Variants in ALG14 observed in about 807,000 individuals in gnomAD.
ALG14 encodes the protein ALG14 UDP-N-acetylglucosaminyltransferase subunit.
Under a neutral mutation model 22.8 loss-of-function variants are expected in ALG14, and 17 were observed. That is an observed-to-expected ratio of 0.75 (90% confidence interval 0.51 to 1.12). The LOEUF is 1.12. Ranked by LOEUF, ALG14 falls within the 50% of genes most tolerant of loss-of-function variation. ALG14 has a pLI of 0.00. For missense variants in ALG14, 288 were observed against 271.8 expected (o/e 1.06, Z -0.42); for synonymous variants, 89 against 103.7 (o/e 0.86, Z 0.86).
intron 2 of ALG14, among the ~76,000 whole-genome samples, chr1:95,063,298 T>C (rs1018210874): frequency 8.5e-5 from 13 of 152,218 alleles, no homozygotes; most frequent in African/African-American, 2.7e-4. Context: ...TTAGTTTAAT[T>C]AGATCACATT....
intron 2 of ALG14, among the ~76,000 whole-genome samples, chr1:95,028,358 A>T (rs1557961385): frequency 6.6e-6 from 1 of 152,174 alleles, no homozygotes; most frequent in Non-Finnish European, 1.5e-5. Context: ...GGTGTGGGCC[A>T]CCATGTCCAC....
chr1:94,974,619 T>C lies in ALG14; in HGVS notation c.*8457A>G, dbSNP rs914396738. 2 of 152,188 alleles carry C rather than the reference T, an allele frequency of 1.3e-5. No homozygotes were observed. Among genetic ancestry groups the C allele is most frequent in the African/African-American group, 4.8e-5 (2 of 41,430 alleles). 9.4% of individuals were successfully genotyped at this position (152,188 alleles called of 1,614,324 possible). On this transcript the variant is annotated 3_prime_UTR_variant, in exon 4 of 4. Coordinates refer to ENST00000370205, the MANE Select transcript of ALG14 (RefSeq NM_144988.4). ...TTCCTATCCATGGTGTAGAAATACA[T>C]CTTCTGCCTTTTGCCTGGCAGGCAA...
At chr1:95,017,712 T>C (rs1673543590) in intron 3 of ALG14, among the ~76,000 whole-genome samples, 1 of 152,106 alleles carries the variant, frequency 6.6e-6, no homozygotes, top group Non-Finnish European at 1.5e-5. Context: ...CCTTGGGATG[T>C]GTATGGGTGA....
intron 2 of ALG14, among the ~76,000 whole-genome samples, chr1:95,037,986 C>A (rs2100790855): frequency 6.6e-6 from 1 of 152,288 alleles, no homozygotes; most frequent in South Asian, 2.1e-4. Flanking sequence ...GTGATAATTG[C>A]AGTCAAAGGG....
chr1:95,029,682 G>A (rs1288498851), intron 2 of ALG14, among the ~76,000 whole-genome samples: 1 of 152,182 alleles, frequency 6.6e-6, no homozygotes, highest in Non-Finnish European at 1.5e-5. Flanking sequence ...AAAAAGGTGT[G>A]AAATTGTGTT....
chr1:94,978,070 T>G lies in ALG14; in HGVS notation c.*5006A>C, dbSNP rs533826478. 1.8e-4 allele frequency: 26 copies of G among 146,982 alleles called. No individual in the cohort carries two copies. Among genetic ancestry groups the G allele is most frequent in the African/African-American group, 4.9e-4 (20 of 40,452 alleles). 9.1% of individuals were successfully genotyped at this position (146,982 alleles called of 1,614,324 possible). A position where few individuals can be genotyped will look rare whatever the true frequency, so the allele number is the denominator to read the frequency against. On this transcript the variant is annotated 3_prime_UTR_variant, in exon 4 of 4. Coordinates refer to ENST00000370205, the MANE Select transcript of ALG14 (RefSeq NM_144988.4). ...AAGTCTGAAGCTATAATTTTTTTCT[T>G]TTTTTTTTTTTGAGGTGGAGTCTCG...
rs1440109081 is a variant in ALG14, at chr1:95,056,744, A to T, written c.288+8122T>A. Among the ~76,000 whole-genome samples the T allele has an allele frequency of 3.0e-3, 459 of 152,150 alleles. 19 individuals carry two copies. The East Asian group carries it at 0.085, about 28-fold the overall frequency. On this transcript the variant is annotated intron_variant, in intron 2 of 3. Transcript: ENST00000370205. Reference sequence around the variant, plus strand: ...GGAAAATATAAATTTGGATTCCTAAAGGAAAATATAAACATTAAAATCTAA... The same window carrying T: ...GGAAAATATAAATTTGGATTCCTAATGGAAAATATAAACATTAAAATCTAA...
intron 1 of ALG14, among the ~76,000 whole-genome samples, chr1:95,066,231 C>T (rs1675357527): frequency 6.6e-6 from 1 of 152,092 alleles, no homozygotes; most frequent in Non-Finnish European, 1.5e-5. Context: ...TCCACCCCCT[C>T]ACCTCCCCCC....
intron 3 of ALG14, among the ~76,000 whole-genome samples, chr1:95,024,001 C>T (rs1459574682): frequency 6.6e-6 from 1 of 152,294 alleles, no homozygotes; most frequent in Middle Eastern, 3.4e-3. Flanking sequence ...AGATCTTTTT[C>T]CCCCAACATA....
intron 1 of ALG14, 26 bp downstream of exon 1, chr1:95,072,737 C>A (rs2100856313): frequency 1.2e-6 from 2 of 1,603,934 alleles, no homozygotes; most frequent in Non-Finnish European, 1.7e-6. Flanking sequence ...CAACCCAAGT[C>A]CGACAGTCGC....
rs913262502 is a variant in ALG14, at chr1:95,031,400, C to A, written c.289-4140G>T. Among the ~76,000 whole-genome samples the A allele has an allele frequency of 4.2e-4, 64 of 152,302 alleles. 1 individual carries two copies. Among genetic ancestry groups the A allele is most frequent in the East Asian group, 3.9e-4 (2 of 5,182 alleles). On this transcript the variant is annotated intron_variant, in intron 2 of 3. Coordinates refer to ENST00000370205, the MANE Select transcript of ALG14 (RefSeq NM_144988.4). The stretch of plus-strand genomic sequence containing the variant: ...GCCCTAACCGTGACATTAACAATGA[C>A]TGGCACGGGACAGGAGAGTCCATCT...
chr1:95,054,592 A>G (rs1223623333), intron 2 of ALG14, among the ~76,000 whole-genome samples: 3 of 152,248 alleles, frequency 2.0e-5, no homozygotes, highest in Admixed American at 6.5e-5. Flanking sequence ...TCAATACATT[A>G]GCAAATTTAC....
intron 2 of ALG14, among the ~76,000 whole-genome samples, chr1:95,030,588 G>A (rs956417396): frequency 2.0e-5 from 3 of 152,082 alleles, no homozygotes; most frequent in African/African-American, 7.2e-5. Flanking sequence ...ACAACTTTAC[G>A]AAGCAGCAGC....
intron 2 of ALG14, among the ~76,000 whole-genome samples, chr1:95,051,789 T>A (rs1247713298): frequency 6.6e-6 from 1 of 152,186 alleles, no homozygotes; most frequent in African/African-American, 2.4e-5. Flanking sequence ...CCAGATGGCT[T>A]AACATCTCAC....
intron 3 of ALG14, among the ~76,000 whole-genome samples, chr1:95,013,636 A>T (rs1354135156): frequency 6.6e-6 from 1 of 152,126 alleles, no homozygotes; most frequent in East Asian, 1.9e-4. Context: ...TGTTCTTTTT[A>T]ATAAAAATAC....
At chr1:95,044,127 A>G (rs1171947235) in intron 2 of ALG14, among the ~76,000 whole-genome samples, 1 of 152,174 alleles carries the variant, frequency 6.6e-6, no homozygotes, top group Non-Finnish European at 1.5e-5. Flanking sequence ...GTTTTCTGCC[A>G]TGAAATTCTG....
Position 95,070,611 on chromosome 1 carries a change from C to T in ALG14, c.136+2152G>A, listed in dbSNP as rs77498955. On this transcript the variant is annotated intron_variant, in intron 1 of 3. Coordinates refer to ENST00000370205, the MANE Select transcript of ALG14 (RefSeq NM_144988.4). The stretch of plus-strand genomic sequence containing the variant: ...TTTGCTCCCCAGACACCCAATCTCA[C>T]GCTTTGTGCTTGAATAAACTCTTCT... Among the ~76,000 whole-genome samples the T allele has an allele frequency of 7.4e-3, 1,131 of 152,348 alleles. 15 individuals are homozygous for T. Among genetic ancestry groups the T allele is most frequent in the African/African-American group, 0.026 (1,085 of 41,576 alleles).
chr1:95,064,423 T>C (rs1259459110), intron 2 of ALG14, among the ~76,000 whole-genome samples: 1 of 152,228 alleles, frequency 6.6e-6, no homozygotes, highest in Non-Finnish European at 1.5e-5. Context: ...GGGTTTGTCA[T>C]ATATGGCTCT....
intron 2 of ALG14, among the ~76,000 whole-genome samples, chr1:95,037,238 T>G (rs1674230038): frequency 1.3e-5 from 2 of 152,180 alleles, no homozygotes; most frequent in South Asian, 4.1e-4. Context: ...TTGGTGGTAT[T>G]TGCCTCCTGT....
Sources: gnomAD v4.1 joint callset for allele counts (sites outside exome capture counted in the v4.1 genomes callset) on GRCh38, gnomAD v4.1.1 for gene constraint, MANE v1.5 for transcripts, NCBI Gene and HGNC (gene_info 2026-07-23, HGNC 2026-07-21) for gene names.